SEC63: variants seen among roughly 807,000 people sequenced by gnomAD.
The protein encoded by SEC63 is SEC63 protein translocation regulator.
SEC63 carries 56 observed loss-of-function variants against 116.2 expected under a neutral mutation model. The ratio of observed to expected loss-of-function variants is 0.48; its 90% CI spans 0.39 to 0.60. SEC63 has a LOEUF of 0.60. SEC63 is among the 20% of genes least tolerant of loss of function. The probability of loss-of-function intolerance (pLI) is 0.00; values close to 1 mark genes in which losing one functional copy is unlikely to be tolerated. For synonymous variants in SEC63, 273 were observed against 294.6 expected, an observed-to-expected ratio of 0.93 and a Z score of 0.75; for missense variants, 668 against 900.0, an observed-to-expected ratio of 0.74 and a Z score of 3.30.
At chr6:107,904,756 T>A (rs761824381) in intron 10 of SEC63, 35 bp from the exon 11 acceptor site, 2 of 1,469,004 alleles carry the variant, frequency 1.4e-6, no homozygotes, top group Non-Finnish European at 1.9e-6. Flanking sequence ...ACAGATCATT[T>A]TAATTTTACA....
At chr6:107,952,137 G>C (rs1770592156) in intron 1 of SEC63, among the ~76,000 whole-genome samples, 1 of 152,086 alleles carries the variant, frequency 6.6e-6, no homozygotes, top group Admixed American at 6.6e-5. Flanking sequence ...TGCAAACCAA[G>C]AGAGTAAAAC....
At chr6:107,946,569 A>T (rs886102632) in intron 1 of SEC63, among the ~76,000 whole-genome samples, 2 of 152,224 alleles carry the variant, frequency 1.3e-5, no homozygotes, top group African/African-American at 4.8e-5. Context: ...GTTGTCCTGT[A>T]ATTCCTACTG....
At chr6:107,887,403 G>C (rs1786555853) in intron 16 of SEC63, among the ~76,000 whole-genome samples, 1 of 145,112 alleles carries the variant, frequency 6.9e-6, no homozygotes, top group South Asian at 2.3e-4. Flanking sequence ...ATACACCATG[G>C]AATACTATGC....
intron 1 of SEC63, among the ~76,000 whole-genome samples, chr6:107,936,517 TTA>T (rs1770249726): frequency 6.9e-6 from 1 of 144,308 alleles, no homozygotes; most frequent in Non-Finnish European, 1.5e-5. Flanking sequence ...GCACTAAAAA[TTA>T]TGTTAGGAGT....
At position 107,929,501 on chromosome 6, in the gene SEC63, T is replaced by C; in HGVS notation, c.138A>G (p.Leu46=). ...TTCCATATACTTTTCTGATATTCTT[T>C]AATCGAATTTGCTCTGTCAAGAAAG... is the stretch of plus-strand genomic sequence containing the variant. The part of the protein sequence containing the change: ...PRDQNAEQIR[L]KNIRKVYGRC... Residue 46 remains leucine (L), a synonymous_variant, in exon 2 of 21, where the codon TTA becomes TTG. Coordinates refer to ENST00000369002, the MANE Select transcript of SEC63 (RefSeq NM_007214.5). The C allele has an allele frequency of 3.8e-6, 6 of 1,591,350 alleles. No homozygotes were observed. The highest frequency in any genetic ancestry group is 5.2e-6 in the Non-Finnish European group (6 of 1,159,684).
intron 10 of SEC63, 139 bp from the exon 11 acceptor site, chr6:107,904,860 A>G (rs939285561): frequency 1.2e-4 from 86 of 738,822 alleles, no homozygotes; most frequent in South Asian, 2.1e-4. Context: ...ATTGAATGGA[A>G]GAGTTTCTCC....
chr6:107,874,468 CGTCT>C (rs990140559), intron 19 of SEC63, among the ~76,000 whole-genome samples: 3 of 151,406 alleles, frequency 2.0e-5, no homozygotes, highest in African/African-American at 7.3e-5. Flanking sequence ...CAGTGGCGGG[CGTCT>C]GTAATCCCAG....
At chr6:107,930,173 C>CTTTTTTTTTTT (rs1206634310) in intron 1 of SEC63, 2 of 89,292 alleles carry the variant, frequency 2.2e-5, no homozygotes, top group Non-Finnish European at 4.0e-5. Flanking sequence ...GCAAAGTATT[C>CTTTTTTTTTTT]TTTTTTTTTT....
intron 1 of SEC63, among the ~76,000 whole-genome samples, chr6:107,946,371 T>C (rs1003014125): frequency 3.3e-5 from 5 of 151,910 alleles, no homozygotes; most frequent in Non-Finnish European, 7.4e-5. Context: ...TAGCTGGGAT[T>C]ACAGGTATTT....
At chr6:107,944,688 CTT>C (rs1479647358) in intron 1 of SEC63, among the ~76,000 whole-genome samples, 4 of 119,784 alleles carry the variant, frequency 3.3e-5, no homozygotes, top group African/African-American at 1.3e-4. Context: ...GAGTAAAACT[CTT>C]GTCTCCAAAA....
At position 107,957,867 on chromosome 6, in the gene SEC63, A is replaced by G. The variant is rs998603697; in HGVS notation, c.124+19T>C. 6 of 1,604,330 alleles carry G rather than the reference A, an allele frequency of 3.7e-6. No homozygotes were observed. The highest frequency in any genetic ancestry group is 5.1e-6 in the Non-Finnish European group (6 of 1,175,724). On this transcript the variant is annotated intron_variant, in intron 1 of 20. Coordinates refer to ENST00000369002, the MANE Select transcript of SEC63 (RefSeq NM_007214.5). Reference sequence around the variant, plus strand: ...GCGGGGCCTGCGCGGGTTCGCGGGCAAAGGCCGGCGGGACTCACCGGCATT... The same window carrying G: ...GCGGGGCCTGCGCGGGTTCGCGGGCGAAGGCCGGCGGGACTCACCGGCATT...
In SEC63 at chr6:107,868,837, A is replaced by T. The variant is rs2114379613; in HGVS notation, c.*2867T>A. On this transcript the variant is annotated 3_prime_UTR_variant, in exon 21 of 21. Transcript: ENST00000369002. ...AGAGCCTGGCACATAGAAACTCAGTAAATATGTGATGAATGACAACCTCTC... is the reference window on the plus strand; with the variant it reads ...AGAGCCTGGCACATAGAAACTCAGTTAATATGTGATGAATGACAACCTCTC... 1 of 152,324 alleles carries T rather than the reference A, an allele frequency of 6.6e-6. No individual in the cohort carries two copies. Among genetic ancestry groups the T allele is most frequent in the Non-Finnish European group, 1.5e-5 (1 of 68,024 alleles). The allele number at this position is 152,324 out of a possible 1,614,324, so 9.4% of individuals were successfully genotyped here. A position where few individuals can be genotyped will look rare whatever the true frequency, so the allele number is the denominator to read the frequency against.
intron 1 of SEC63, chr6:107,954,625 T>G (rs1352860817): frequency 6.6e-6 from 1 of 152,116 alleles, no homozygotes; most frequent in Non-Finnish European, 1.5e-5. Context: ...TTAAGTGAGA[T>G]AAAGATTATT....
chr6:107,907,109 G>GA (rs963329985), intron 8 of SEC63, among the ~76,000 whole-genome samples: 2 of 152,026 alleles, frequency 1.3e-5, no homozygotes, highest in Non-Finnish European at 2.9e-5. Flanking sequence ...TAATTCACGT[G>GA]AAAAAAGGGG....
intron 16 of SEC63, among the ~76,000 whole-genome samples, chr6:107,888,667 T>C (rs139921012): frequency 1.2e-4 from 18 of 152,306 alleles, no homozygotes; most frequent in African/African-American, 3.1e-4. Context: ...CCTTGTCTTG[T>C]GCTGGTTTTC....
Position 107,869,344 on chromosome 6 carries a change from TCTC to T in SEC63, c.*2357_*2359del, listed in dbSNP as rs1786071664. 1 of 152,110 alleles carries T rather than the reference TCTC, an allele frequency of 6.6e-6. No individual in the cohort carries two copies. The highest frequency in any genetic ancestry group is 6.5e-5 in the Admixed American group (1 of 15,270). 9.4% of individuals were successfully genotyped at this position (152,110 alleles called of 1,614,324 possible). ...CTGCTACACTTTGAATTGTGGTAAG[TCTC>T]CTCATGAACAGCTGTATTTTAATAG... On this transcript the variant is annotated 3_prime_UTR_variant, in exon 21 of 21. Coordinates refer to ENST00000369002, the MANE Select transcript of SEC63 (RefSeq NM_007214.5).
chr6:107,872,400 T>A (rs768388137), intron 20 of SEC63, among the ~76,000 whole-genome samples: 1 of 152,050 alleles, frequency 6.6e-6, no homozygotes, highest in African/African-American at 2.4e-5. Context: ...TAAACAAAGA[T>A]CAGAGTGTGC....
At chr6:107,889,556 T>G (rs1786623248) in intron 16 of SEC63, among the ~76,000 whole-genome samples, 1 of 151,794 alleles carries the variant, frequency 6.6e-6, no homozygotes, top group Admixed American at 6.6e-5. Context: ...ATTCATTGAT[T>G]TTTTTTTAAG....
At chr6:107,938,151 A>G (rs1446326874) in intron 1 of SEC63, among the ~76,000 whole-genome samples, 2 of 152,100 alleles carry the variant, frequency 1.3e-5, no homozygotes, top group Non-Finnish European at 2.9e-5. Flanking sequence ...TTTCATACCC[A>G]TCATCATCCA....
Sources: allele counts gnomAD v4.1 joint callset (sites outside exome capture counted in the v4.1 genomes callset), GRCh38; gene constraint gnomAD v4.1.1; transcripts MANE v1.5; gene names NCBI Gene and HGNC (gene_info 2026-07-23, HGNC 2026-07-21).